The following CCDC7 variants were observed in gnomAD, a reference collection of about 807,000 sequenced individuals.
CCDC7 encodes coiled-coil domain containing 7, also known as coiled-coil domain-containing protein 7.
Under a neutral mutation model 196.9 loss-of-function variants are expected in CCDC7, and 183 were observed. The observed-to-expected ratio is 0.93, with a 90% CI of 0.82 to 1.05. The LOEUF is 1.05. Among genes scored for constraint, CCDC7 ranks in the 50% least tolerant of loss-of-function variants. The pLI is 0.00. For synonymous variants in CCDC7, 525 were observed against 484.6 expected, an observed-to-expected ratio of 1.08 and a Z score of -1.10; for missense variants, 1,540 against 1,482.2, an observed-to-expected ratio of 1.04 and a Z score of -0.64.
chr10:32,860,440 A>G (rs1423329965), intron 41 of CCDC7, among the ~76,000 whole-genome samples: 1 of 152,204 alleles, frequency 6.6e-6, no homozygotes, highest in African/African-American at 2.4e-5. Flanking sequence ...ATTTATGACA[A>G]AGCTACAGCC....
chr10:32,622,931 C>G (rs1427942313), intron 18 of CCDC7, among the ~76,000 whole-genome samples: 1 of 152,104 alleles, frequency 6.6e-6, no homozygotes, highest in African/African-American at 2.4e-5. Context: ...TGGCTTAACA[C>G]TTGAAAATTA....
intron 9 of CCDC7, among the ~76,000 whole-genome samples, chr10:32,497,307 A>G (rs1267350890): frequency 6.6e-6 from 1 of 151,926 alleles, no homozygotes; most frequent in Non-Finnish European, 1.5e-5. Flanking sequence ...TCTGGGTAGC[A>G]GTCTATCTAT....
intron 24 of CCDC7, among the ~76,000 whole-genome samples, chr10:32,695,928 G>C (rs1243768094): frequency 6.6e-6 from 1 of 152,044 alleles, no homozygotes; most frequent in Non-Finnish European, 1.5e-5. Context: ...TTCTTTTCCA[G>C]GCACACAATG....
rs3035173 is a variant in CCDC7 at position 32,874,753 on chromosome 10, TACACACACAC to T, written c.4112-1572_4112-1563del. ...ATATATACACACACACCAACATATC[TACACACACAC>T]ACACACACACACACACACACATATA... is the stretch of plus-strand genomic sequence containing the variant. On this transcript the variant is annotated intron_variant, in intron 41 of 41. Coordinates refer to ENST00000639629, the Ensembl canonical transcript of CCDC7. 3.3e-3 allele frequency among the ~76,000 whole-genome samples: 481 copies of T among 145,340 alleles called. 1 individual carries two copies. The highest frequency in any genetic ancestry group is 5.6e-3 in the African/African-American group (219 of 39,326).
chr10:32,690,190 G>A (rs563237580), intron 23 of CCDC7, among the ~76,000 whole-genome samples: 2 of 152,252 alleles, frequency 1.3e-5, no homozygotes, highest in Admixed American at 1.3e-4. Context: ...AGAGCCACTG[G>A]TGAGTCATTA....
At chr10:32,869,795 C>G (rs1006020482) in intron 41 of CCDC7, among the ~76,000 whole-genome samples, 18 of 79,256 alleles carry the variant, frequency 2.3e-4, no homozygotes, top group African/African-American at 4.8e-4. Flanking sequence ...CTAGCCAGCA[C>G]CATTTATTAA....
rs189152321 is a variant in CCDC7, at chr10:32,868,022, T to C, written c.4112-8325T>C. On this transcript the variant is annotated intron_variant, in intron 41 of 41. Transcript: ENST00000639629. ...ATGTGGGTGTAATCATACCTATTTA[T>C]TTCTTTGTGGCTGGCTTATTTCACT... 2.0e-5 allele frequency among the ~76,000 whole-genome samples: 3 copies of C among 152,106 alleles called. No individual in the cohort carries two copies. In the East Asian group the frequency reaches 5.8e-4, roughly 30 times the overall value.
chr10:32,872,555 T>G (rs567530625), intron 41 of CCDC7, among the ~76,000 whole-genome samples: 16 of 152,208 alleles, frequency 1.1e-4, no homozygotes, highest in African/African-American at 3.9e-4. Flanking sequence ...GTTAATATTG[T>G]TATGTGTGAA....
intron 18 of CCDC7, among the ~76,000 whole-genome samples, chr10:32,606,645 C>T (rs116195716): frequency 0.034 from 5,197 of 152,322 alleles, 300 homozygotes; most frequent in African/African-American, 0.12. Flanking sequence ...GATTTAATAA[C>T]TGCCCTGATG....
chr10:32,789,703 G>A (rs955257980), intron 29 of CCDC7, among the ~76,000 whole-genome samples: 6 of 152,090 alleles, frequency 3.9e-5, no homozygotes, highest in African/African-American at 9.7e-5. Flanking sequence ...GGCCATGAAG[G>A]CAGAGTGAAT....
chr10:32,680,768 G>A (rs1038756208), intron 21 of CCDC7, among the ~76,000 whole-genome samples: 8 of 152,154 alleles, frequency 5.3e-5, no homozygotes, highest in Admixed American at 4.6e-4. Flanking sequence ...CTTAAAAAAT[G>A]TACTTCTTTC....
intron 41 of CCDC7, among the ~76,000 whole-genome samples, chr10:32,858,763 AT>A (rs2093857774): frequency 6.6e-6 from 1 of 152,098 alleles, no homozygotes; most frequent in South Asian, 2.1e-4. Context: ...AAAACCAGGG[AT>A]TGCAATCTTA....
At chr10:32,595,508 T>A (rs962249551) in intron 18 of CCDC7, among the ~76,000 whole-genome samples, 1 of 152,210 alleles carries the variant, frequency 6.6e-6, no homozygotes, top group African/African-American at 2.4e-5. Flanking sequence ...CCTGGATTCA[T>A]TGATTTTTTG....
intron 41 of CCDC7, among the ~76,000 whole-genome samples, chr10:32,870,883 A>G (rs979501750): frequency 2.0e-5 from 3 of 152,086 alleles, no homozygotes; most frequent in African/African-American, 7.2e-5. Context: ...TTCTGTTTAT[A>G]TGCTGGATTA....
intron 28 of CCDC7, among the ~76,000 whole-genome samples, chr10:32,754,602 A>G (rs2076127912): frequency 6.6e-6 from 1 of 152,216 alleles, no homozygotes; most frequent in African/African-American, 2.4e-5. Flanking sequence ...GTGGCACTTG[A>G]TCTAACTGCA....
chr10:32,832,375 G>T (rs967348804), intron 32 of CCDC7, among the ~76,000 whole-genome samples: 5 of 151,786 alleles, frequency 3.3e-5, no homozygotes, highest in Non-Finnish European at 7.4e-5. Context: ...TGGTGGTGCG[G>T]GCCTGTAATC....
At chr10:32,688,761 ATTGT>A (rs2076744572) in intron 22 of CCDC7, among the ~76,000 whole-genome samples, 1 of 152,160 alleles carries the variant, frequency 6.6e-6, no homozygotes, top group South Asian at 2.1e-4. Flanking sequence ...ATGCATTTTC[ATTGT>A]TTGGTCTATG....
At chr10:32,622,668 C>T (rs1317134947) in intron 18 of CCDC7, among the ~76,000 whole-genome samples, 1 of 151,980 alleles carries the variant, frequency 6.6e-6, no homozygotes, top group Non-Finnish European at 1.5e-5. Context: ...TGTTTAACAG[C>T]ATGCCTGTTC....
intron 24 of CCDC7, among the ~76,000 whole-genome samples, chr10:32,702,343 T>G (rs2141575208): frequency 6.6e-6 from 1 of 152,362 alleles, no homozygotes. Context: ...AGTGACTTTC[T>G]TAATCCTGAG....
Sources: gnomAD v4.1 joint callset for allele counts (sites outside exome capture counted in the v4.1 genomes callset) on GRCh38, gnomAD v4.1.1 for gene constraint, MANE v1.5 for transcripts, NCBI Gene and HGNC (gene_info 2026-07-23, HGNC 2026-07-21) for gene names.